Variants in CAMK1D observed in about 807,000 individuals in gnomAD.
CAMK1D encodes calcium/calmodulin dependent protein kinase ID, also known as calcium/calmodulin-dependent protein kinase type 1D.
In CAMK1D, 9 loss-of-function variants were observed where a neutral mutation model predicts 47.7. The ratio of observed to expected loss-of-function variants is 0.19; its 90% CI spans 0.11 to 0.33. The LOEUF (loss-of-function observed/expected upper bound fraction) is 0.33. Among genes scored for constraint, CAMK1D ranks in the 10% least tolerant of loss-of-function variants. The probability of loss-of-function intolerance (pLI) is 1.00; values close to 1 mark genes in which losing one functional copy is unlikely to be tolerated. For missense variants in CAMK1D, 291 were observed against 488.7 expected (o/e 0.60, Z 3.81); for synonymous variants, 184 against 184.9 (o/e 0.99, Z 0.04).
chr10:12,455,341 T>A (rs556700884), intron 1 of CAMK1D, among the ~76,000 whole-genome samples: 5 of 152,182 alleles, frequency 3.3e-5, no homozygotes, highest in Admixed American at 1.3e-4. Context: ...CCAGCTAATT[T>A]TCGTATTTTT....
chr10:12,497,431 C>CA (rs1215822797), intron 1 of CAMK1D, among the ~76,000 whole-genome samples: 1 of 145,126 alleles, frequency 6.9e-6, no homozygotes, highest in African/African-American at 2.6e-5. Flanking sequence ...GAACCGAGAT[C>CA]ACGCCACTGC....
chr10:12,508,680 A>G (rs750970400), intron 1 of CAMK1D, among the ~76,000 whole-genome samples: 1 of 152,176 alleles, frequency 6.6e-6, no homozygotes, highest in Non-Finnish European at 1.5e-5. Flanking sequence ...TTTTTTAAAA[A>G]AGCAAACACA....
chr10:12,616,376 T>G (rs1329291660), intron 2 of CAMK1D, among the ~76,000 whole-genome samples: 1 of 152,222 alleles, frequency 6.6e-6, no homozygotes, highest in Non-Finnish European at 1.5e-5. Context: ...CGAGACAGAC[T>G]GTTCTAAACC....
chr10:12,394,746 A>G (rs1382185962), intron 1 of CAMK1D, among the ~76,000 whole-genome samples: 1 of 152,222 alleles, frequency 6.6e-6, no homozygotes, highest in Non-Finnish European at 1.5e-5. Flanking sequence ...AGGTCAGATC[A>G]TGATGGGTTT....
chr10:12,422,742 G>A (rs947321698), intron 1 of CAMK1D, among the ~76,000 whole-genome samples: 2 of 151,338 alleles, frequency 1.3e-5, no homozygotes, highest in East Asian at 1.9e-4. Context: ...GCATAATCTC[G>A]GCTCACTGCA....
intron 2 of CAMK1D, among the ~76,000 whole-genome samples, chr10:12,646,462 G>C (rs2132499123): frequency 6.6e-6 from 1 of 152,284 alleles, no homozygotes; most frequent in African/African-American, 2.4e-5. Flanking sequence ...AGAGACAGTT[G>C]ATGGGGCCAG....
chr10:12,806,042 A>G (rs1838716199), intron 6 of CAMK1D, among the ~76,000 whole-genome samples: 1 of 152,118 alleles, frequency 6.6e-6, no homozygotes, highest in South Asian at 2.1e-4. Context: ...CTGAGCATAG[A>G]CCTGTGCACG....
intron 3 of CAMK1D, among the ~76,000 whole-genome samples, chr10:12,679,080 C>T (rs1321333727): frequency 2.6e-5 from 4 of 152,156 alleles, no homozygotes; most frequent in Non-Finnish European, 5.9e-5. Flanking sequence ...TTGACTTAAA[C>T]ATTTTCACAC....
At chr10:12,692,528 T>C (rs78447372) in intron 3 of CAMK1D, among the ~76,000 whole-genome samples, 1 of 152,170 alleles carries the variant, frequency 6.6e-6, no homozygotes, top group East Asian at 1.9e-4. Context: ...TTATATGGAG[T>C]TGCAAAACCC....
intron 3 of CAMK1D, among the ~76,000 whole-genome samples, chr10:12,705,191 T>C (rs1480576329): frequency 6.6e-6 from 1 of 152,184 alleles, no homozygotes; most frequent in Admixed American, 6.5e-5. Flanking sequence ...CTGGGCACGG[T>C]GGCTCACCCC....
intron 2 of CAMK1D, among the ~76,000 whole-genome samples, chr10:12,574,970 C>T (rs1016961363): frequency 3.0e-4 from 45 of 152,246 alleles, no homozygotes; most frequent in Middle Eastern, 6.8e-3. Flanking sequence ...CATGAGAAAC[C>T]GCCCTCCATG....
At chr10:12,416,340 A>G (rs1451971864) in intron 1 of CAMK1D, among the ~76,000 whole-genome samples, 1 of 152,206 alleles carries the variant, frequency 6.6e-6, no homozygotes. Flanking sequence ...ATTTTGTATT[A>G]TTAATAGAAT....
intron 1 of CAMK1D, among the ~76,000 whole-genome samples, chr10:12,382,229 T>C (rs1190054452): frequency 1.3e-5 from 2 of 152,184 alleles, no homozygotes; most frequent in Non-Finnish European, 2.9e-5. Context: ...ATATTTGGAA[T>C]ATATTAATGA....
intron 3 of CAMK1D, among the ~76,000 whole-genome samples, chr10:12,693,929 TAAC>T (rs1833039731): frequency 1.0e-5 from 1 of 99,362 alleles, no homozygotes; most frequent in African/African-American, 3.9e-5. Context: ...AAAATATATA[TAAC>T]ATATATAAAA....
At chr10:12,759,313 C>T (rs1304967461) in intron 3 of CAMK1D, among the ~76,000 whole-genome samples, 1 of 152,324 alleles carries the variant, frequency 6.6e-6, no homozygotes, top group African/African-American at 2.4e-5. Context: ...GTGATCATGC[C>T]ACTGCATTCC....
intron 5 of CAMK1D, among the ~76,000 whole-genome samples, chr10:12,774,908 C>T (rs1023817538): frequency 3.3e-5 from 5 of 152,278 alleles, no homozygotes; most frequent in African/African-American, 1.2e-4. Flanking sequence ...AATTGTCTTC[C>T]GTGAAACGGG....
In CAMK1D at chr10:12,688,414, T is replaced by A. The variant is rs141808821; in HGVS notation, c.299+21604T>A. Among the ~76,000 whole-genome samples the A allele has an allele frequency of 4.5e-3, 684 of 152,244 alleles. 2 individuals carry two copies. The highest frequency in any genetic ancestry group is 4.9e-3 in the Non-Finnish European group (331 of 68,018). On this transcript the variant is annotated intron_variant, in intron 3 of 10. Coordinates refer to ENST00000619168, the MANE Select transcript of CAMK1D (RefSeq NM_153498.4). ...ATACAAACCAATCTAATTACTAACT[T>A]CTCTTTAGCCTCTGGAAAAAAAGGT...
chr10:12,626,125 C>G lies in CAMK1D; in HGVS notation c.225-40611C>G, dbSNP rs147299109. Among the ~76,000 whole-genome samples the G allele has an allele frequency of 1.5e-3, 223 of 152,178 alleles. 2 individuals carry two copies. The highest frequency in any genetic ancestry group is 5.2e-3 in the African/African-American group (216 of 41,530). On this transcript the variant is annotated intron_variant, in intron 2 of 10. Transcript: ENST00000619168. ...TTTTTAACCAGTCTTTTTTTATACT[C>G]ATAATTCATATGCATATGTGATTAG...
intron 5 of CAMK1D, among the ~76,000 whole-genome samples, chr10:12,781,828 A>G (rs12252123): frequency 0.25 from 37,754 of 151,690 alleles, 4,987 homozygotes; most frequent in Middle Eastern, 0.37. Context: ...TTATATTTTT[A>G]GTAGAGACAG....
Sources: gnomAD v4.1 joint callset for allele counts (sites outside exome capture counted in the v4.1 genomes callset) on GRCh38, gnomAD v4.1.1 for gene constraint, MANE v1.5 for transcripts, NCBI Gene and HGNC (gene_info 2026-07-23, HGNC 2026-07-21) for gene names.